The following INPP4B variants were observed in gnomAD, a reference collection of about 807,000 sequenced individuals.
INPP4B encodes the protein inositol polyphosphate-4-phosphatase type II B.
Under a neutral mutation model 122.5 loss-of-function variants are expected in INPP4B, and 55 were observed. The observed-to-expected ratio is 0.45, with a 90% CI of 0.36 to 0.56. INPP4B has a LOEUF of 0.56. Ranked by LOEUF, INPP4B falls within the 20% of genes least tolerant of loss-of-function variation. The probability of loss-of-function intolerance (pLI) is 0.00; values close to 1 mark genes in which losing one functional copy is unlikely to be tolerated. For synonymous variants in INPP4B, 403 were observed against 388.7 expected (o/e 1.04, Z -0.43); for missense variants, 1,000 against 1,097.7 (o/e 0.91, Z 1.26).
intron 12 of INPP4B, among the ~76,000 whole-genome samples, chr4:142,222,082 C>T (rs112717510): frequency 3.0e-4 from 46 of 152,342 alleles, no homozygotes; most frequent in African/African-American, 1.0e-3. Context: ...GGCTCAGCCT[C>T]CCAAGTAGCC....
chr4:142,345,989 T>C (rs1299705730), intron 7 of INPP4B, among the ~76,000 whole-genome samples: 1 of 152,034 alleles, frequency 6.6e-6, no homozygotes, highest in Non-Finnish European at 1.5e-5. Context: ...CCACCTCAGT[T>C]TGCTGATATA....
intron 23 of INPP4B, among the ~76,000 whole-genome samples, chr4:142,100,752 G>A (rs1784123285): frequency 6.6e-6 from 1 of 152,050 alleles, no homozygotes; most frequent in African/African-American, 2.4e-5. Flanking sequence ...AGAGATATTT[G>A]GAAGGGAGAG....
intron 11 of INPP4B, among the ~76,000 whole-genome samples, chr4:142,249,239 G>T (rs1018247525): frequency 6.6e-6 from 1 of 151,986 alleles, no homozygotes; most frequent in African/African-American, 2.4e-5. Flanking sequence ...CTTGCTGAGT[G>T]GGGGAAACTC....
intron 1 of INPP4B, among the ~76,000 whole-genome samples, chr4:142,797,980 A>C (rs1777493652): frequency 6.6e-6 from 1 of 151,964 alleles, no homozygotes; most frequent in Admixed American, 6.6e-5. Context: ...GTGAAAAGAA[A>C]TATCACTTAT....
intron 2 of INPP4B, among the ~76,000 whole-genome samples, chr4:142,648,034 T>G (rs1752168318): frequency 6.6e-6 from 1 of 152,234 alleles, no homozygotes; most frequent in Admixed American, 6.5e-5. Flanking sequence ...ACACAAAATC[T>G]GAAACGAGTT....
intron 18 of INPP4B, among the ~76,000 whole-genome samples, chr4:142,139,957 G>A (rs1806879319): frequency 6.6e-6 from 1 of 152,198 alleles, no homozygotes; most frequent in Non-Finnish European, 1.5e-5. Context: ...GATTACAAGT[G>A]TGAGCCACAG....
At chr4:142,307,456 G>T (rs1159324886) in intron 8 of INPP4B, among the ~76,000 whole-genome samples, 1 of 152,162 alleles carries the variant, frequency 6.6e-6, no homozygotes, top group Admixed American at 6.6e-5. Flanking sequence ...ACCCCCCACT[G>T]CATAGCACAC....
intron 9 of INPP4B, among the ~76,000 whole-genome samples, chr4:142,281,771 G>A (rs1350261993): frequency 6.6e-6 from 1 of 151,864 alleles, no homozygotes; most frequent in East Asian, 1.9e-4. Context: ...GTATTTTTAT[G>A]CTTAATTGCA....
At chr4:142,736,726 C>CAG (rs1197158528) in intron 1 of INPP4B, among the ~76,000 whole-genome samples, 2 of 152,164 alleles carry the variant, frequency 1.3e-5, no homozygotes, top group Non-Finnish European at 2.9e-5. Flanking sequence ...TCTAGATATA[C>CAG]AATCATGTCA....
chr4:142,278,391 C>T lies in INPP4B; in HGVS notation c.504-7617G>A, dbSNP rs1252004490. 2.0e-5 allele frequency among the ~76,000 whole-genome samples: 3 copies of T among 151,802 alleles called. No individual in the cohort carries two copies. The Admixed American group carries it at 2.0e-4, about 10-fold the overall frequency. On this transcript the variant is annotated intron_variant, in intron 9 of 25. Coordinates refer to ENST00000262992, the MANE Select transcript of INPP4B (RefSeq NM_001101669.3). ...TCCAGGAGAATTCTTTTAGTTCTGA[C>T]TCATGGGCAGGAAAGTGGTCTCCTA...
At chr4:142,151,549 C>T (rs1482786334) in intron 17 of INPP4B, among the ~76,000 whole-genome samples, 2 of 152,180 alleles carry the variant, frequency 1.3e-5, no homozygotes, top group African/African-American at 2.4e-5. Flanking sequence ...TTGACCTCTC[C>T]ATATTCCCCT....
At chr4:142,508,433 C>A (rs1291490653) in intron 2 of INPP4B, among the ~76,000 whole-genome samples, 1 of 152,114 alleles carries the variant, frequency 6.6e-6, no homozygotes, top group Non-Finnish European at 1.5e-5. Flanking sequence ...TGCTACCATG[C>A]CTGGCTAATT....
chr4:142,058,553 A>G (rs1233176688), intron 25 of INPP4B, among the ~76,000 whole-genome samples: 2 of 152,116 alleles, frequency 1.3e-5, no homozygotes, highest in African/African-American at 2.4e-5. Flanking sequence ...GTTCAATATT[A>G]CGTTTAAGGC....
intron 2 of INPP4B, among the ~76,000 whole-genome samples, chr4:142,495,362 G>A (rs779146916): frequency 2.6e-5 from 4 of 151,374 alleles, no homozygotes; most frequent in Admixed American, 6.6e-5. Context: ...GCACACACAC[G>A]CACACATATA....
At chr4:142,476,450 T>C (rs1819786361) in intron 2 of INPP4B, among the ~76,000 whole-genome samples, 1 of 152,072 alleles carries the variant, frequency 6.6e-6, no homozygotes, top group Non-Finnish European at 1.5e-5. Context: ...GATAACCAGC[T>C]AACAACACAA....
rs1309834242 is a variant in INPP4B at position 142,023,943 on chromosome 4, CA to C, written c.*4838del. 1.3e-5 allele frequency: 2 copies of C among 149,806 alleles called. No homozygotes were observed. The highest frequency in any genetic ancestry group is 5.1e-5 in the African/African-American group (2 of 39,568). The allele number at this position is 149,806 out of a possible 1,614,324, so 9.3% of individuals were successfully genotyped here. On this transcript the variant is annotated 3_prime_UTR_variant, in exon 26 of 26. Transcript: ENST00000262992. The stretch of plus-strand genomic sequence containing the variant: ...CAATTTAGGATAGCTAAATTCATTA[CA>C]TTTTTTTTTTTGCTTATATTACCTT...
In INPP4B at chr4:142,222,884, C is replaced by G. The variant is rs142418072; in HGVS notation, c.837-13858G>C. Among the ~76,000 whole-genome samples the G allele has an allele frequency of 3.9e-4, 60 of 152,268 alleles. 1 individual carries two copies. In the East Asian group the frequency reaches 9.7e-3, roughly 24 times the overall value. On this transcript the variant is annotated intron_variant, in intron 12 of 25. Coordinates refer to ENST00000262992, the MANE Select transcript of INPP4B (RefSeq NM_001101669.3). ...TATCTGAGACAGAACCAACTTTCAG[C>G]TGAAATGCAAAAGAACTATCATAGT...
intron 2 of INPP4B, among the ~76,000 whole-genome samples, chr4:142,704,069 G>T (rs932983409): frequency 6.6e-6 from 1 of 152,170 alleles, no homozygotes; most frequent in Non-Finnish European, 1.5e-5. Flanking sequence ...GTTTCACAGA[G>T]CAGAGGACTC....
rs547483945 is a variant in INPP4B at position 142,573,279 on chromosome 4, G to T, written c.-190-110553C>A. On this transcript the variant is annotated intron_variant, in intron 2 of 25. Transcript: ENST00000262992. ...GTCACTTACCCAACACTGGACATGA[G>T]ACTTGGGTGGGGACACAGAGCCAAG... 3.3e-5 allele frequency among the ~76,000 whole-genome samples: 5 copies of T among 152,164 alleles called. No individual in the cohort carries two copies. In the South Asian group the frequency reaches 1.0e-3, roughly 32 times the overall value.
Sources: gnomAD v4.1 joint callset for allele counts (sites outside exome capture counted in the v4.1 genomes callset) on GRCh38, gnomAD v4.1.1 for gene constraint, MANE v1.5 for transcripts, NCBI Gene and HGNC (gene_info 2026-07-23, HGNC 2026-07-21) for gene names.